The following SEMA6D variants were observed in gnomAD, a reference collection of about 807,000 sequenced individuals.
The protein encoded by SEMA6D is semaphorin-6D.
In SEMA6D, 35 loss-of-function variants were observed where a neutral mutation model predicts 106.6. The observed-to-expected ratio is 0.33, with a 90% CI of 0.25 to 0.44. The LOEUF is 0.44. SEMA6D is among the 20% of genes least tolerant of loss of function. The pLI is 1.00. For synonymous variants in SEMA6D, 499 were observed against 487.7 expected, an observed-to-expected ratio of 1.02 and a Z score of -0.31; for missense variants, 1,185 against 1,345.9, an observed-to-expected ratio of 0.88 and a Z score of 1.87.
intron 4 of SEMA6D, among the ~76,000 whole-genome samples, chr15:47,601,157 C>T (rs1596405670): frequency 6.6e-6 from 1 of 151,648 alleles, no homozygotes; most frequent in Admixed American, 6.6e-5. Context: ...TTTTTCTTGC[C>T]CAGTCAGCCC....
At chr15:47,462,371 A>G (rs2042540246) in intron 2 of SEMA6D, among the ~76,000 whole-genome samples, 1 of 152,230 alleles carries the variant, frequency 6.6e-6, no homozygotes, top group East Asian at 1.9e-4. Context: ...AGCACTACAT[A>G]TGTTGCCTCA....
At chr15:47,223,264 T>C (rs2031369202) in intron 1 of SEMA6D, among the ~76,000 whole-genome samples, 1 of 152,136 alleles carries the variant, frequency 6.6e-6, no homozygotes, top group African/African-American at 2.4e-5. Flanking sequence ...GTTAATAATA[T>C]ATGCAATTTT....
chr15:47,640,913 C>T (rs1366793680), intron 4 of SEMA6D, among the ~76,000 whole-genome samples: 1 of 151,662 alleles, frequency 6.6e-6, no homozygotes, highest in Non-Finnish European at 1.5e-5. Context: ...TAATATTACA[C>T]ACCTACACAG....
At chr15:47,219,319 A>T (rs896299824) in intron 1 of SEMA6D, among the ~76,000 whole-genome samples, 1 of 152,236 alleles carries the variant, frequency 6.6e-6, no homozygotes, top group African/African-American at 2.4e-5. Context: ...TGCCATTCAC[A>T]GAAGCACATT....
intron 1 of SEMA6D, among the ~76,000 whole-genome samples, chr15:47,258,781 T>A (rs2033932155): frequency 6.6e-6 from 1 of 152,122 alleles, no homozygotes; most frequent in Admixed American, 6.5e-5. Context: ...TCATACATAT[T>A]TATTATCATA....
At chr15:47,730,888 A>AG in intron 1 of SEMA6D, 2 of 977,458 alleles carry the variant, frequency 2.0e-6, no homozygotes, top group Non-Finnish European at 3.2e-6. Context: ...TCACGACTGC[A>AG]GGGGCCGGAG....
chr15:47,716,318 G>T (rs1454660304), upstream of SEMA6D, among the ~76,000 whole-genome samples: 1 of 152,122 alleles, frequency 6.6e-6, no homozygotes, highest in African/African-American at 2.4e-5. Context: ...TGTCTTTTTT[G>T]AGTTCCTTTT....
chr15:47,458,249 ATATG>A (rs1181866879), intron 2 of SEMA6D, among the ~76,000 whole-genome samples: 3 of 151,952 alleles, frequency 2.0e-5, no homozygotes, highest in African/African-American at 7.2e-5. Context: ...TTTTCACCAT[ATATG>A]CGGTAGTATG....
At chr15:47,224,136 A>G (rs886586346) in intron 1 of SEMA6D, among the ~76,000 whole-genome samples, 8 of 151,376 alleles carry the variant, frequency 5.3e-5, no homozygotes, top group African/African-American at 1.9e-4. Flanking sequence ...GTGCACATGT[A>G]CCCTAAAACT....
chr15:47,687,236 C>T (rs538048450), intron 4 of SEMA6D, among the ~76,000 whole-genome samples: 1 of 152,232 alleles, frequency 6.6e-6, no homozygotes, highest in East Asian at 1.9e-4. Context: ...GATATGCCTG[C>T]CACTGTACCA....
intron 2 of SEMA6D, among the ~76,000 whole-genome samples, chr15:47,446,167 A>G (rs1476953752): frequency 6.6e-6 from 1 of 152,104 alleles, no homozygotes; most frequent in Non-Finnish European, 1.5e-5. Context: ...TCCTCCAGAC[A>G]GCCTGACCCC....
At chr15:47,541,360 A>G (rs947041308) in intron 3 of SEMA6D, among the ~76,000 whole-genome samples, 2 of 152,182 alleles carry the variant, frequency 1.3e-5, no homozygotes, top group Non-Finnish European at 2.9e-5. Context: ...ATAATCCCCC[A>G]AAAAAATTCA....
intron 3 of SEMA6D, among the ~76,000 whole-genome samples, chr15:47,484,633 A>C (rs983696862): frequency 6.6e-6 from 1 of 152,218 alleles, no homozygotes; most frequent in Middle Eastern, 3.4e-3. Context: ...TTATCCCCTA[A>C]TCAGAGTCAC....
chr15:47,694,571 T>C (rs993412126), intron 4 of SEMA6D, among the ~76,000 whole-genome samples: 3 of 152,084 alleles, frequency 2.0e-5, no homozygotes, highest in Non-Finnish European at 4.4e-5. Context: ...GTGAAACATA[T>C]GCCTCCTGCT....
chr15:47,304,433 TAAAAAAAAAAA>T (rs56185341), intron 1 of SEMA6D, among the ~76,000 whole-genome samples: 11 of 93,842 alleles, frequency 1.2e-4, no homozygotes, highest in African/African-American at 4.9e-4. Context: ...GCCTTCTAAC[TAAAAAAAAAAA>T]AAAAAAAAAA....
chr15:47,544,845 A>G (rs967677046), intron 3 of SEMA6D, among the ~76,000 whole-genome samples: 1 of 152,136 alleles, frequency 6.6e-6, no homozygotes, highest in Non-Finnish European at 1.5e-5. Flanking sequence ...ATTATAGCCT[A>G]AAGCAAGTAT....
At chr15:47,408,884 A>G (rs1181221966) in intron 1 of SEMA6D, among the ~76,000 whole-genome samples, 1 of 152,234 alleles carries the variant, frequency 6.6e-6, no homozygotes, top group Non-Finnish European at 1.5e-5. Context: ...GCACACAGGC[A>G]GGAGTGCAGC....
At chr15:47,342,243 C>T (rs997994076) in intron 1 of SEMA6D, among the ~76,000 whole-genome samples, 4 of 152,114 alleles carry the variant, frequency 2.6e-5, no homozygotes, top group Non-Finnish European at 5.9e-5. Context: ...GTCTTCTTTC[C>T]GCCTAAAAGT....
At chr15:47,286,169 T>G (rs1482108976) in intron 1 of SEMA6D, among the ~76,000 whole-genome samples, 1 of 152,176 alleles carries the variant, frequency 6.6e-6, no homozygotes, top group African/African-American at 2.4e-5. Context: ...TTGTCTGACC[T>G]ACAGAGAAAT....
Sources: allele counts gnomAD v4.1 joint callset (sites outside exome capture counted in the v4.1 genomes callset), GRCh38; gene constraint gnomAD v4.1.1; transcripts MANE v1.5; gene names NCBI Gene and HGNC (gene_info 2026-07-23, HGNC 2026-07-21).